Variants in OLIG1 observed in about 807,000 individuals in gnomAD.
OLIG1 encodes the protein basic domain, helix-loop-helix protein, class B, 6.
Under a neutral mutation model 13.5 loss-of-function variants are expected in OLIG1, and 9 were observed. The ratio of observed to expected loss-of-function variants is 0.67; its 90% CI spans 0.40 to 1.17. The LOEUF is 1.17. Among genes scored for constraint, OLIG1 ranks in the 50% most tolerant of loss-of-function variants. OLIG1 has a pLI of 0.01. For missense variants in OLIG1, 362 were observed against 392.2 expected, an observed-to-expected ratio of 0.92 and a Z score of 0.65; for synonymous variants, 215 against 208.3, an observed-to-expected ratio of 1.03 and a Z score of -0.28.
chr21:33,071,955 T>A lies in OLIG1; in HGVS notation c.*893T>A, dbSNP rs1375408986. On this transcript the variant is annotated 3_prime_UTR_variant, in exon 1 of 1. Coordinates refer to ENST00000382348, the MANE Select transcript of OLIG1 (RefSeq NM_138983.3). The surrounding 1 kb of genome is among the most constrained non-coding windows in gnomAD (Gnocchi z 6.0). ...GCTTAAAAACGAAAACCAACCGCCT[T>A]GCATCCAGTGTTCCCGATTTACTAA... 2 of 167,080 alleles carry A rather than the reference T, an allele frequency of 1.2e-5. No individual in the cohort carries two copies. Among genetic ancestry groups the A allele is most frequent in the Non-Finnish European group, 2.9e-5 (2 of 68,110 alleles). 10.3% of individuals were successfully genotyped at this position (167,080 alleles called of 1,614,324 possible).
chr21:33,071,036 G>A lies in OLIG1; in HGVS notation c.790G>A (p.Ala264Thr), dbSNP rs758772659. ...GGTCCCGGCCAGCCTGGGCCTGGCC[G>A]CCGTGCAGGCGCAATTCTCCAAGTG... ...HLVPASLGLAAVQAQFSK is the reference protein window; with the variant it reads ...HLVPASLGLATVQAQFSK Residue 264 changes from alanine (A) to threonine (T), a missense_variant, in exon 1 of 1, where the codon GCC (alanine) becomes ACC (threonine). Ala to Thr is a moderately conservative substitution (Grantham distance 58, BLOSUM62 0). This residue lies in a region of OLIG1 where 62 missense variants were observed against 49.1 expected (regional missense o/e 1.26). Coordinates refer to ENST00000382348, the MANE Select transcript of OLIG1 (RefSeq NM_138983.3). The surrounding 1 kb of genome is among the most constrained non-coding windows in gnomAD (Gnocchi z 6.0). 2 of 1,477,796 alleles carry A rather than the reference G, an allele frequency of 1.4e-6. No individual in the cohort carries two copies. The highest frequency in any genetic ancestry group is 1.8e-6 in the Non-Finnish European group (2 of 1,114,374). The allele number at this position is 1,477,796 out of a possible 1,614,324, so 91.5% of individuals were successfully genotyped here.
rs1982176853 is a variant in OLIG1 at position 33,070,348 on chromosome 21, G to T, written c.102G>T (p.Glu34Asp). The change falls in exon 1 of 1, where the codon GAG becomes GAT. Residue 34 changes from glutamate to aspartate, a missense_variant. Glu to Asp is a conservative substitution (Grantham distance 45). Coordinates refer to ENST00000382348, the MANE Select transcript of OLIG1 (RefSeq NM_138983.3). The surrounding 1 kb of genome is among the most constrained non-coding windows in gnomAD (Gnocchi z 5.9). ...TGCAGCTCGGGGCCTCCCTCTACGAGCTGGTGGGCTACAGGCAGCCGCCCT... is the reference window on the plus strand; with the variant it reads ...TGCAGCTCGGGGCCTCCCTCTACGATCTGGTGGGCTACAGGCAGCCGCCCT... ...GDLQLGASLYELVGYRQPPSS... is the reference protein window; with the variant it reads ...GDLQLGASLYDLVGYRQPPSS... 1 of 1,546,282 alleles carries T rather than the reference G, an allele frequency of 6.5e-7. No homozygotes were observed. Among genetic ancestry groups the T allele is most frequent in the Non-Finnish European group, 8.7e-7 (1 of 1,145,650 alleles).
At position 33,071,007 on chromosome 21, in the gene OLIG1, A is replaced by C. The variant is rs1448566634; in HGVS notation, c.761A>C (p.His254Pro). 2.8e-5 allele frequency: 39 copies of C among 1,404,820 alleles called. No homozygotes were observed. Among genetic ancestry groups the C allele is most frequent in the Non-Finnish European group, 3.4e-5 (37 of 1,072,552 alleles). 87.0% of individuals were successfully genotyped at this position (1,404,820 alleles called of 1,614,324 possible). ...ACCTGCGCCGTGTGCAAGTTCCCGCACCTGGTCCCGGCCAGCCTGGGCCTG... is the reference window on the plus strand; with the variant it reads ...ACCTGCGCCGTGTGCAAGTTCCCGCCCCTGGTCCCGGCCAGCCTGGGCCTG... ...LCTCAVCKFPHLVPASLGLAA... is the reference protein window; with the variant it reads ...LCTCAVCKFPPLVPASLGLAA... The change falls in exon 1 of 1, where the codon CAC becomes CCC. Residue 254 changes from histidine to proline, a missense_variant. Physicochemically the swap from His to Pro is moderately conservative, Grantham distance 77. This residue lies in a region of OLIG1 where 62 missense variants were observed against 49.1 expected (regional missense o/e 1.26). Transcript: ENST00000382348. This position sits in a 1 kb window ranked among gnomAD's most constrained non-coding sequence, Gnocchi z 6.0.
Position 33,070,513 on chromosome 21 carries a change from C to CCCGGGCGGCAGCGCCCGG in OLIG1, c.272_289dup (p.Gly91_Pro96dup), listed in dbSNP as rs1982188988. On this transcript the variant is annotated inframe_insertion, in exon 1 of 1. Coordinates refer to ENST00000382348, the MANE Select transcript of OLIG1 (RefSeq NM_138983.3). The surrounding 1 kb of genome is among the most constrained non-coding windows in gnomAD (Gnocchi z 5.9). Reference sequence around the variant, plus strand: ...GCCCCGGGCCCGGGTCAGGCGCGCACCCGGGCGGCAGCGCCCGGCCGGACG... The same window carrying CCCGGGCGGCAGCGCCCGG: ...GCCCCGGGCCCGGGTCAGGCGCGCACCCGGGCGGCAGCGCCCGGCCGGGCGGCAGCGCCCGGCCGGACG... The CCCGGGCGGCAGCGCCCGG allele has an allele frequency of 6.7e-7, 1 of 1,499,672 alleles. No homozygotes were observed. The highest frequency in any genetic ancestry group is 8.8e-7 in the Non-Finnish European group (1 of 1,130,330). 92.9% of individuals were successfully genotyped at this position (1,499,672 alleles called of 1,614,324 possible).
Position 33,070,922 on chromosome 21 carries a change from GAGCCGCCGT to G in OLIG1, c.677_685del (p.Glu226_Cys229delinsGly). 6.9e-7 allele frequency: 1 copy of G among 1,441,864 alleles called. No homozygotes were observed. The highest frequency in any genetic ancestry group is 9.1e-7 in the Non-Finnish European group (1 of 1,103,392). The allele number at this position is 1,441,864 out of a possible 1,614,324, so 89.3% of individuals were successfully genotyped here. On this transcript the variant is annotated inframe_deletion, in exon 1 of 1. Transcript: ENST00000382348. This position sits in a 1 kb window ranked among gnomAD's most constrained non-coding sequence, Gnocchi z 5.9. ...CAAGTACCTGTCGCTGGCGCTGGACGAGCCGCCGTGCGGCCAGTTCGCTCTCCCCGGCGG... is the reference window on the plus strand; with the variant it reads ...CAAGTACCTGTCGCTGGCGCTGGACGGCGGCCAGTTCGCTCTCCCCGGCGG...
At position 33,070,561 on chromosome 21, in the gene OLIG1, G is replaced by C. The variant is rs542137414; in HGVS notation, c.315G>C (p.Gln105His). Residue 105 changes from glutamine to histidine, a missense_variant, in exon 1 of 1, where the codon CAG (glutamine) becomes CAC (histidine). By Grantham distance (24) the Gln-to-His change is conservative (BLOSUM62 0). Around this residue, in one of 3 missense-constraint regions of OLIG1, gnomAD observed 206 missense variants for 197.2 expected, o/e 1.04. Coordinates refer to ENST00000382348, the MANE Select transcript of OLIG1 (RefSeq NM_138983.3). The surrounding 1 kb of genome is among the most constrained non-coding windows in gnomAD (Gnocchi z 5.9). ...RPDAKEEQQQ[Q>H]LRRKINSRER... ...ACGCCAAGGAGGAGCAGCAGCAGCA[G>C]CTGCGGCGCAAGATCAACAGCCGCG... 1 of 1,527,452 alleles carries C rather than the reference G, an allele frequency of 6.5e-7. No individual in the cohort carries two copies. The highest frequency in any genetic ancestry group is 8.7e-7 in the Non-Finnish European group (1 of 1,143,866). The allele number at this position is 1,527,452 out of a possible 1,614,324, so 94.6% of individuals were successfully genotyped here.
At position 33,070,557 on chromosome 21, in the gene OLIG1, A is replaced by G; in HGVS notation, c.311A>G (p.Gln104Arg). ...CCGGACGCCAAGGAGGAGCAGCAGC[A>G]GCAGCTGCGGCGCAAGATCAACAGC... ...ARPDAKEEQQ[Q>R]QLRRKINSRE... Residue 104 changes from glutamine (Q) to arginine (R), a missense_variant, in exon 1 of 1, where the codon CAG (glutamine) becomes CGG (arginine). This residue lies in a region of OLIG1 where 206 missense variants were observed against 197.2 expected (regional missense o/e 1.04). Coordinates refer to ENST00000382348, the MANE Select transcript of OLIG1 (RefSeq NM_138983.3). This position sits in a 1 kb window ranked among gnomAD's most constrained non-coding sequence, Gnocchi z 5.9. 6.6e-7 allele frequency: 1 copy of G among 1,522,950 alleles called. No homozygotes were observed. The highest frequency in any genetic ancestry group is 1.2e-5 in the South Asian group (1 of 81,882). 94.3% of individuals were successfully genotyped at this position (1,522,950 alleles called of 1,614,324 possible).
At position 33,071,261 on chromosome 21, in the gene OLIG1, C is replaced by T. The variant is rs1415597879; in HGVS notation, c.*199C>T. ...CGTTAAAGTGACCAGAGCGGATGTTCGATGGCGCCTCGGGGCAGTTTGGGG... is the reference window on the plus strand; with the variant it reads ...CGTTAAAGTGACCAGAGCGGATGTTTGATGGCGCCTCGGGGCAGTTTGGGG... On this transcript the variant is annotated 3_prime_UTR_variant, in exon 1 of 1. Transcript: ENST00000382348. This position sits in a 1 kb window ranked among gnomAD's most constrained non-coding sequence, Gnocchi z 6.0. 5 of 495,778 alleles carry T rather than the reference C, an allele frequency of 1.0e-5. No individual in the cohort carries two copies. Among genetic ancestry groups the T allele is most frequent in the Admixed American group, 4.5e-5 (1 of 22,294 alleles). The allele number at this position is 495,778 out of a possible 1,614,324, so 30.7% of individuals were successfully genotyped here. A position where few individuals can be genotyped will look rare whatever the true frequency, so the allele number is the denominator to read the frequency against.
rs1161280893 is a variant in OLIG1 at position 33,070,367 on chromosome 21, C to T, written c.121C>T (p.Pro41Ser). ...SLYELVGYRQ[P>S]PSSSSSSTSS... ...CTACGAGCTGGTGGGCTACAGGCAG[C>T]CGCCCTCCTCCTCCTCCTCCTCCAC... Residue 41 changes from proline to serine, a missense_variant, in exon 1 of 1, where the codon CCG becomes TCG. By Grantham distance (74) the Pro-to-Ser change is moderately conservative. Coordinates refer to ENST00000382348, the MANE Select transcript of OLIG1 (RefSeq NM_138983.3). This position sits in a 1 kb window ranked among gnomAD's most constrained non-coding sequence, Gnocchi z 5.9. 4.5e-6 allele frequency: 7 copies of T among 1,544,214 alleles called. No homozygotes were observed. The East Asian group carries it at 1.2e-4, about 27-fold the overall frequency.
chr21:33,071,097 G>T lies in OLIG1; in HGVS notation c.*35G>T. The T allele has an allele frequency of 4.9e-6, 7 of 1,438,302 alleles. No individual in the cohort carries two copies. Among genetic ancestry groups the T allele is most frequent in the Non-Finnish European group, 6.4e-6 (7 of 1,096,684 alleles). The allele number at this position is 1,438,302 out of a possible 1,614,324, so 89.1% of individuals were successfully genotyped here. ...TGGGCCTGGGGCGCGACCTCGGCCCGGCCTCCCTTCGCTCAGCTTCTCCGC... is the reference window on the plus strand; with the variant it reads ...TGGGCCTGGGGCGCGACCTCGGCCCTGCCTCCCTTCGCTCAGCTTCTCCGC... On this transcript the variant is annotated 3_prime_UTR_variant, in exon 1 of 1. Transcript: ENST00000382348. This position sits in a 1 kb window ranked among gnomAD's most constrained non-coding sequence, Gnocchi z 6.0.
chr21:33,071,742 T>G lies in OLIG1; in HGVS notation c.*680T>G, dbSNP rs961532498. The G allele has an allele frequency of 1.2e-5, 2 of 166,992 alleles. No individual in the cohort carries two copies. The highest frequency in any genetic ancestry group is 2.1e-4 in the South Asian group (1 of 4,826). 10.3% of individuals were successfully genotyped at this position (166,992 alleles called of 1,614,324 possible). A position where few individuals can be genotyped will look rare whatever the true frequency, so the allele number is the denominator to read the frequency against. On this transcript the variant is annotated 3_prime_UTR_variant, in exon 1 of 1. Coordinates refer to ENST00000382348, the MANE Select transcript of OLIG1 (RefSeq NM_138983.3). This position sits in a 1 kb window ranked among gnomAD's most constrained non-coding sequence, Gnocchi z 6.0. The stretch of plus-strand genomic sequence containing the variant: ...CGAGGACAACGCAGGGTGCGCTGGG[T>G]TGGGACGTGGGTCCACTTTTGTAGA...
In OLIG1 at chr21:33,072,154, A is replaced by G. The variant is rs1982251347; in HGVS notation, c.*1092A>G. ...TGTTCCTCAGCGGGCCGGGCCCTTGACCAGCGCGGCCCGCAGGTCTTCCTT... is the reference window on the plus strand; with the variant it reads ...TGTTCCTCAGCGGGCCGGGCCCTTGGCCAGCGCGGCCCGCAGGTCTTCCTT... On this transcript the variant is annotated 3_prime_UTR_variant, in exon 1 of 1. Coordinates refer to ENST00000382348, the MANE Select transcript of OLIG1 (RefSeq NM_138983.3). The G allele has an allele frequency of 6.0e-6, 1 of 167,028 alleles. No homozygotes were observed. The highest frequency in any genetic ancestry group is 2.4e-5 in the African/African-American group (1 of 41,450). 10.3% of individuals were successfully genotyped at this position (167,028 alleles called of 1,614,324 possible). A position where few individuals can be genotyped will look rare whatever the true frequency, so the allele number is the denominator to read the frequency against.
At position 33,070,524 on chromosome 21, in the gene OLIG1, G is replaced by A. The variant is rs1389743370; in HGVS notation, c.278G>A (p.Ser93Asn). 1 of 1,499,024 alleles carries A rather than the reference G, an allele frequency of 6.7e-7. No homozygotes were observed. 92.9% of individuals were successfully genotyped at this position (1,499,024 alleles called of 1,614,324 possible). The change falls in exon 1 of 1, where the codon AGC becomes AAC. Residue 93 changes from serine to asparagine, a missense_variant. This residue lies in a region of OLIG1 where 206 missense variants were observed against 197.2 expected (regional missense o/e 1.04). Coordinates refer to ENST00000382348, the MANE Select transcript of OLIG1 (RefSeq NM_138983.3). The surrounding 1 kb of genome is among the most constrained non-coding windows in gnomAD (Gnocchi z 5.9). ...GPGSGAHPGG[S>N]ARPDAKEEQQ... ...GGGTCAGGCGCGCACCCGGGCGGCA[G>A]CGCCCGGCCGGACGCCAAGGAGGAG...
In OLIG1 at chr21:33,071,083, C is replaced by A; in HGVS notation, c.*21C>A. On this transcript the variant is annotated 3_prime_UTR_variant, in exon 1 of 1. Coordinates refer to ENST00000382348, the MANE Select transcript of OLIG1 (RefSeq NM_138983.3). This position sits in a 1 kb window ranked among gnomAD's most constrained non-coding sequence, Gnocchi z 6.0. ...AGTGAGGGCGGGCCTGGGCCTGGGG[C>A]GCGACCTCGGCCCGGCCTCCCTTCG... 1 of 1,452,052 alleles carries A rather than the reference C, an allele frequency of 6.9e-7. No homozygotes were observed. The allele number at this position is 1,452,052 out of a possible 1,614,324, so 89.9% of individuals were successfully genotyped here.
Position 33,070,971 on chromosome 21 carries a change from C to T in OLIG1, c.725C>T (p.Pro242Leu). ...FALPGGGAGG[P>L]GLCTCAVCKF... is the part of the protein sequence containing the mutation. ...CTCCCCGGCGGCGGCGCAGGCGGCCCCGGCCTCTGCACCTGCGCCGTGTGC... is the reference window on the plus strand; with the variant it reads ...CTCCCCGGCGGCGGCGCAGGCGGCCTCGGCCTCTGCACCTGCGCCGTGTGC... The change falls in exon 1 of 1, where the codon CCC becomes CTC. Residue 242 changes from proline (P) to leucine (L), a missense_variant. Transcript: ENST00000382348. The surrounding 1 kb of genome is among the most constrained non-coding windows in gnomAD (Gnocchi z 5.9). 1 of 1,477,012 alleles carries T rather than the reference C, an allele frequency of 6.8e-7. No individual in the cohort carries two copies. The highest frequency in any genetic ancestry group is 2.3e-5 in the Admixed American group (1 of 42,742). The allele number at this position is 1,477,012 out of a possible 1,614,324, so 91.5% of individuals were successfully genotyped here.
chr21:33,070,913 G>A lies in OLIG1; in HGVS notation c.667G>A (p.Ala223Thr), dbSNP rs769898162. 4.8e-5 allele frequency: 69 copies of A among 1,433,932 alleles called. No homozygotes were observed. Among genetic ancestry groups the A allele is most frequent in the South Asian group, 4.0e-4 (29 of 72,334 alleles). 88.8% of individuals were successfully genotyped at this position (1,433,932 alleles called of 1,614,324 possible). A position where few individuals can be genotyped will look rare whatever the true frequency, so the allele number is the denominator to read the frequency against. ...ALRPAKYLSL[A>T]LDEPPCGQFA... Reference sequence around the variant, plus strand: ...GCGCCCCGCCAAGTACCTGTCGCTGGCGCTGGACGAGCCGCCGTGCGGCCA... The same window carrying A: ...GCGCCCCGCCAAGTACCTGTCGCTGACGCTGGACGAGCCGCCGTGCGGCCA... Residue 223 changes from alanine (A) to threonine (T), a missense_variant, in exon 1 of 1, where the codon GCG (alanine) becomes ACG (threonine). Around this residue, in one of 3 missense-constraint regions of OLIG1, gnomAD observed 94 missense variants for 146.0 expected, o/e 0.64. Transcript: ENST00000382348. The surrounding 1 kb of genome is among the most constrained non-coding windows in gnomAD (Gnocchi z 5.9).
Position 33,070,679 on chromosome 21 carries a change from G to A in OLIG1, c.433G>A (p.Gly145Ser). Residue 145 changes from glycine (G) to serine (S), a missense_variant, in exon 1 of 1, where the codon GGC becomes AGC. Transcript: ENST00000382348. This position sits in a 1 kb window ranked among gnomAD's most constrained non-coding sequence, Gnocchi z 5.9. ...YSAAHCQGAP[G>S]RKLSKIATLL... ...AGCGGCGCACTGCCAGGGCGCGCCC[G>A]GCCGCAAGCTCTCCAAGATAGCCAC... 1 of 1,545,266 alleles carries A rather than the reference G, an allele frequency of 6.5e-7. No homozygotes were observed. Among genetic ancestry groups the A allele is most frequent in the Non-Finnish European group, 8.7e-7 (1 of 1,152,506 alleles).
At position 33,070,456 on chromosome 21, in the gene OLIG1, C is replaced by G. The variant is rs1354044158; in HGVS notation, c.210C>G (p.Arg70=). 1.4e-5 allele frequency: 22 copies of G among 1,527,450 alleles called. 1 individual carries two copies. In the South Asian group the frequency reaches 2.3e-4, roughly 16 times the overall value. The allele number at this position is 1,527,450 out of a possible 1,614,324, so 94.6% of individuals were successfully genotyped here. A position where few individuals can be genotyped will look rare whatever the true frequency, so the allele number is the denominator to read the frequency against. The change falls in exon 1 of 1, where the codon CGC becomes CGG. Residue 70 remains arginine (R), a synonymous_variant. Transcript: ENST00000382348. This position sits in a 1 kb window ranked among gnomAD's most constrained non-coding sequence, Gnocchi z 5.9. ...CCCCCCTCCTCCCCAAGGCTGCGCG[C>G]GAGAAGCCGGAGGCGCCGGCCGAGC... ...TTAPLLPKAA[R]EKPEAPAEPP... is the part of the protein sequence containing the mutation.
At position 33,070,693 on chromosome 21, in the gene OLIG1, C is replaced by G; in HGVS notation, c.447C>G (p.Ser149=). 1 of 1,528,700 alleles carries G rather than the reference C, an allele frequency of 6.5e-7. No homozygotes were observed. Among genetic ancestry groups the G allele is most frequent in the Non-Finnish European group, 8.7e-7 (1 of 1,143,968 alleles). The allele number at this position is 1,528,700 out of a possible 1,614,324, so 94.7% of individuals were successfully genotyped here. Residue 149 remains serine (S), a synonymous_variant, in exon 1 of 1, where the codon TCC becomes TCG. Transcript: ENST00000382348. The surrounding 1 kb of genome is among the most constrained non-coding windows in gnomAD (Gnocchi z 5.9). ...HCQGAPGRKL[S]KIATLLLARN... ...AGGGCGCGCCCGGCCGCAAGCTCTC[C>G]AAGATAGCCACGCTGCTGCTCGCCC...
Sources: gnomAD v4.1 joint callset for allele counts on GRCh38, gnomAD v4.1.1 for gene constraint, gnomAD v4.1.1 regional missense constraint, Gnocchi (gnomAD v3.1) non-coding constraint, MANE v1.5 for transcripts, NCBI Gene and HGNC (gene_info 2026-07-23, HGNC 2026-07-21) for gene names.